The following IL1R1 variants were observed in gnomAD, a reference collection of about 807,000 sequenced individuals.
IL1R1 encodes interleukin-1 receptor type 1.
Under a neutral mutation model 50.2 loss-of-function variants are expected in IL1R1, and 22 were observed. The observed-to-expected ratio is 0.44, with a 90% CI of 0.31 to 0.63. IL1R1 has a LOEUF of 0.63. Ranked by LOEUF, IL1R1 falls within the 20% of genes least tolerant of loss-of-function variation. The pLI is 0.07. For missense variants in IL1R1, 509 were observed against 676.2 expected (o/e 0.75, Z 2.74); for synonymous variants, 251 against 236.7 (o/e 1.06, Z -0.55).
chr2:102,173,679 C>T (rs1476747965), intron 9 of IL1R1, among the ~76,000 whole-genome samples: 5 of 152,126 alleles, frequency 3.3e-5, no homozygotes, highest in Admixed American at 3.3e-4. Flanking sequence ...CCAAATGAAT[C>T]TATGGATTCC....
intron 1 of IL1R1, among the ~76,000 whole-genome samples, chr2:102,129,789 A>T (rs1286446509): frequency 6.6e-6 from 1 of 152,212 alleles, no homozygotes; most frequent in Non-Finnish European, 1.5e-5. Context: ...TGTAGAGCAG[A>T]CGTTCTTGAA....
chr2:102,074,247 G>GCT (rs1678863689), intron 1 of IL1R1, among the ~76,000 whole-genome samples: 1 of 152,148 alleles, frequency 6.6e-6, no homozygotes, highest in African/African-American at 2.4e-5. Context: ...TGGTTCTGTG[G>GCT]GCAGTTCTGC....
At position 102,176,988 on chromosome 2, in the gene IL1R1, C is replaced by G; in HGVS notation, c.*229C>G. The stretch of plus-strand genomic sequence containing the variant: ...AGATCTTTTAAAAAGGCAGTAGGCC[C>G]GGTGTGGTGGCTCACGCCTATAATC... On this transcript the variant is annotated 3_prime_UTR_variant, in exon 12 of 12. Coordinates refer to ENST00000410023, the MANE Select transcript of IL1R1 (RefSeq NM_000877.4). 2.0e-6 allele frequency: 1 copy of G among 498,096 alleles called. No individual in the cohort carries two copies. Among genetic ancestry groups the G allele is most frequent in the Non-Finnish European group, 3.6e-6 (1 of 279,628 alleles). 30.9% of individuals were successfully genotyped at this position (498,096 alleles called of 1,614,324 possible).
intron 3 of IL1R1, among the ~76,000 whole-genome samples, chr2:102,158,849 A>G (rs2104538232): frequency 6.6e-6 from 1 of 152,296 alleles, no homozygotes; most frequent in South Asian, 2.1e-4. Context: ...AGAAATAGAG[A>G]AGCCAGTGAA....
At chr2:102,165,039 G>T in intron 4 of IL1R1, 31 bp downstream of exon 4, 1 of 1,586,038 alleles carries the variant, frequency 6.3e-7, no homozygotes, top group Non-Finnish European at 8.6e-7. Flanking sequence ...TTACAAACAT[G>T]TTCTAGTTTC....
At chr2:102,148,255 C>A (rs890590519) in intron 1 of IL1R1, among the ~76,000 whole-genome samples, 1 of 152,200 alleles carries the variant, frequency 6.6e-6, no homozygotes, top group Non-Finnish European at 1.5e-5. Flanking sequence ...TCCACACTTT[C>A]CTGCTCTAGC....
chr2:102,105,655 C>T (rs11123910), intron 1 of IL1R1, among the ~76,000 whole-genome samples: 90,519 of 152,092 alleles, frequency 0.6, 27,390 homozygotes, highest in African/African-American at 0.66. Context: ...TGAGCCACCA[C>T]GCCTGGCCTG....
intron 1 of IL1R1, among the ~76,000 whole-genome samples, chr2:102,094,993 G>C (rs1411367111): frequency 6.6e-6 from 1 of 152,154 alleles, no homozygotes; most frequent in Non-Finnish European, 1.5e-5. Context: ...TAGGATGGTG[G>C]ACATATTCAC....
chr2:102,096,191 C>T (rs966230178), intron 1 of IL1R1, among the ~76,000 whole-genome samples: 21 of 152,136 alleles, frequency 1.4e-4, no homozygotes, highest in Admixed American at 1.4e-3. Flanking sequence ...GGGACTTTTA[C>T]AGGATTTTTT....
At chr2:102,146,963 G>T (rs780104292) in intron 1 of IL1R1, among the ~76,000 whole-genome samples, 3 of 152,204 alleles carry the variant, frequency 2.0e-5, no homozygotes, top group Non-Finnish European at 4.4e-5. Flanking sequence ...TGCATTGCTG[G>T]GTAGTGAGTG....
intron 1 of IL1R1, among the ~76,000 whole-genome samples, chr2:102,124,696 T>A (rs1437802096): frequency 6.6e-6 from 1 of 151,996 alleles, no homozygotes; most frequent in Non-Finnish European, 1.5e-5. Context: ...GGCAGGTGAA[T>A]CACTTAAGGT....
chr2:102,091,422 AT>A (rs1679662501), intron 1 of IL1R1, among the ~76,000 whole-genome samples: 2 of 152,186 alleles, frequency 1.3e-5, no homozygotes, highest in African/African-American at 4.8e-5. Context: ...GTGGAAGTGG[AT>A]TTTATAGTCT....
intron 3 of IL1R1, among the ~76,000 whole-genome samples, chr2:102,158,871 T>G (rs1407871804): frequency 6.6e-6 from 1 of 152,132 alleles, no homozygotes; most frequent in Non-Finnish European, 1.5e-5. Flanking sequence ...AGGCAAGCCA[T>G]GATGATGGCT....
chr2:102,145,267 G>A (rs1683016205), intron 1 of IL1R1, among the ~76,000 whole-genome samples: 1 of 152,190 alleles, frequency 6.6e-6, no homozygotes, highest in African/African-American at 2.4e-5. Context: ...TTCTTCTTGA[G>A]GTTGTGAGGT....
intron 1 of IL1R1, among the ~76,000 whole-genome samples, chr2:102,113,100 A>G (rs368333690): frequency 1.3e-5 from 2 of 152,202 alleles, no homozygotes; most frequent in East Asian, 3.8e-4. Flanking sequence ...AAGCCACCCA[A>G]TCTATGATAA....
upstream of IL1R1, among the ~76,000 whole-genome samples, chr2:102,102,738 G>A (rs1276607224): frequency 6.6e-6 from 1 of 151,972 alleles, no homozygotes; most frequent in East Asian, 1.9e-4. Context: ...GCAAAGACAT[G>A]GAATCAACCT....
Position 102,171,909 on chromosome 2 carries a change from A to G in IL1R1, c.830A>G (p.Asp277Gly). The G allele has an allele frequency of 6.5e-7, 1 of 1,548,184 alleles. No homozygotes were observed. The highest frequency in any genetic ancestry group is 8.9e-7 in the Non-Finnish European group (1 of 1,124,112). ...IDEDDPVLGE[D>G]YYSVENPANK... is the part of the protein sequence containing the mutation. ...GAAGATGACCCAGTGCTAGGGGAAG[A>G]CTATTACAGGTATGTATGCTAAGAG... Residue 277 changes from aspartate to glycine, a missense_variant, in exon 8 of 12, where the codon GAC becomes GGC. Coordinates refer to ENST00000410023, the MANE Select transcript of IL1R1 (RefSeq NM_000877.4).
At chr2:102,112,629 A>G (rs566069468) in intron 1 of IL1R1, among the ~76,000 whole-genome samples, 16 of 152,320 alleles carry the variant, frequency 1.1e-4, no homozygotes, top group African/African-American at 3.8e-4. Context: ...AATGCCAGGT[A>G]AAAGAGGAAG....
At position 102,176,754 on chromosome 2, in the gene IL1R1, G is replaced by A. The variant is rs201681036; in HGVS notation, c.1705G>A (p.Gly569Arg). The A allele has an allele frequency of 1.4e-5, 22 of 1,612,760 alleles. No individual in the cohort carries two copies. Among genetic ancestry groups the A allele is most frequent in the South Asian group, 1.2e-4 (11 of 91,032 alleles). Residue 569 changes from glycine (G) to arginine (R), a missense_variant, in exon 12 of 12, where the codon GGG becomes AGG. Physicochemically the swap from Gly to Arg is moderately radical, Grantham distance 125. Coordinates refer to ENST00000410023, the MANE Select transcript of IL1R1 (RefSeq NM_000877.4). ...KLQREAHVPLG is the reference protein window; with the variant it reads ...KLQREAHVPLR The stretch of plus-strand genomic sequence containing the variant: ...GCAAAGAGAGGCTCACGTGCCTCTC[G>A]GGTAGCATGGAGAAGTTGCCAAGAG...
Sources: gnomAD v4.1 joint callset for allele counts (sites outside exome capture counted in the v4.1 genomes callset) on GRCh38, gnomAD v4.1.1 for gene constraint, MANE v1.5 for transcripts, NCBI Gene and HGNC (gene_info 2026-07-23, HGNC 2026-07-21) for gene names.